Variants in KCNIP4 observed in about 807,000 individuals in gnomAD.
The protein encoded by KCNIP4 is potassium voltage-gated channel interacting protein 4, also known as Kv channel-interacting protein 4.
KCNIP4 carries 12 observed loss-of-function variants against 34.0 expected under a neutral mutation model. The observed-to-expected ratio is 0.35, with a 90% CI of 0.23 to 0.57. KCNIP4 has a LOEUF of 0.57. KCNIP4 is among the 20% of genes least tolerant of loss of function. The probability of loss-of-function intolerance (pLI) is 0.83; values close to 1 mark genes in which losing one functional copy is unlikely to be tolerated. For missense variants in KCNIP4, 238 were observed against 311.7 expected (o/e 0.76, Z 1.78); for synonymous variants, 124 against 102.2 (o/e 1.21, Z -1.29).
At chr4:21,538,911 G>T (rs1354649735) in intron 1 of KCNIP4, among the ~76,000 whole-genome samples, 1 of 152,152 alleles carries the variant, frequency 6.6e-6, no homozygotes, top group Admixed American at 6.5e-5. Flanking sequence ...ATCTCAAATT[G>T]TAATCCCTGT....
Position 21,396,099 on chromosome 4 carries a change from C to T in KCNIP4, c.62-513390G>A, listed in dbSNP as rs555259824. Reference sequence around the variant, plus strand: ...ATACATATATAAGACTATGTAGAGTCTCCTATATATAGTCTATATATACAT... The same window carrying T: ...ATACATATATAAGACTATGTAGAGTTTCCTATATATAGTCTATATATACAT... On this transcript the variant is annotated intron_variant, in intron 1 of 8. Transcript: ENST00000382152. Among the ~76,000 whole-genome samples the T allele has an allele frequency of 2.0e-5, 3 of 150,928 alleles. No individual in the cohort carries two copies. In the South Asian group the frequency reaches 6.3e-4, roughly 31 times the overall value.
At chr4:21,159,297 G>T (rs1309045044) in intron 1 of KCNIP4, among the ~76,000 whole-genome samples, 51 of 152,166 alleles carry the variant, frequency 3.4e-4, no homozygotes, top group Admixed American at 3.3e-3. Flanking sequence ...ATGGACCCAT[G>T]AATATGTAGA....
chr4:21,639,142 T>A (rs1327110335), intron 1 of KCNIP4, among the ~76,000 whole-genome samples: 1 of 152,190 alleles, frequency 6.6e-6, no homozygotes, highest in Non-Finnish European at 1.5e-5. Context: ...TTTTGGATAT[T>A]TTTTTCAGGA....
chr4:21,855,602 T>A (rs140772320), intron 1 of KCNIP4: 2 of 152,282 alleles, frequency 1.3e-5, no homozygotes, highest in African/African-American at 4.8e-5. Flanking sequence ...TCTGGGACCC[T>A]AGAGAAACTT....
rs141212805 is a variant in KCNIP4, at chr4:21,374,256, G to A, written c.62-491547C>T. Among the ~76,000 whole-genome samples, 294 of 147,300 alleles carry A rather than the reference G, an allele frequency of 2.0e-3. 52 individuals are homozygous for A. Among genetic ancestry groups the A allele is most frequent in the African/African-American group, 7.7e-3 (285 of 36,930 alleles). ...GGCTAATTTACAAGGAAAAAGAGGT[G>A]TAAAGGACTCACAGTTCCATGTGGC... On this transcript the variant is annotated intron_variant, in intron 1 of 8. Coordinates refer to ENST00000382152, the MANE Select transcript of KCNIP4 (RefSeq NM_025221.6).
chr4:21,015,048 T>A (rs1392295240), intron 1 of KCNIP4, among the ~76,000 whole-genome samples: 1 of 152,084 alleles, frequency 6.6e-6, no homozygotes, highest in East Asian at 1.9e-4. Context: ...TTTTCTCAGA[T>A]TACACATATT....
chr4:21,836,066 G>C (rs1849541), intron 1 of KCNIP4, among the ~76,000 whole-genome samples: 15,125 of 152,142 alleles, frequency 0.099, 2,523 homozygotes, highest in African/African-American at 0.35. Context: ...GAACCTCTTT[G>C]GGTGGACTGG....
intron 1 of KCNIP4, among the ~76,000 whole-genome samples, chr4:21,192,911 C>T (rs1269226909): frequency 2.2e-5 from 3 of 137,640 alleles, no homozygotes; most frequent in Non-Finnish European, 4.6e-5. Flanking sequence ...CCTGCCGCCC[C>T]GTCTCTACTA....
intron 1 of KCNIP4, among the ~76,000 whole-genome samples, chr4:20,926,873 A>G (rs933140093): frequency 6.6e-6 from 1 of 152,212 alleles, no homozygotes; most frequent in African/African-American, 2.4e-5. Flanking sequence ...ACTGGATATA[A>G]TTGCACAGCC....
At chr4:21,554,566 C>T (rs1738836221) in intron 1 of KCNIP4, among the ~76,000 whole-genome samples, 1 of 152,100 alleles carries the variant, frequency 6.6e-6, no homozygotes, top group South Asian at 2.1e-4. Context: ...GTTTGTCCTA[C>T]CATGTCTTTT....
At chr4:21,168,921 G>T (rs1753815998) in intron 1 of KCNIP4, among the ~76,000 whole-genome samples, 1 of 152,068 alleles carries the variant, frequency 6.6e-6, no homozygotes, top group Admixed American at 6.5e-5. Context: ...CGAAGCATCT[G>T]CCAATTCCTT....
intron 1 of KCNIP4, among the ~76,000 whole-genome samples, chr4:20,963,360 GTATA>G (rs1734038747): frequency 6.6e-6 from 1 of 151,278 alleles, no homozygotes; most frequent in Admixed American, 6.6e-5. Context: ...AAAAAAGAAA[GTATA>G]AATAATAAAA....
At chr4:21,730,524 G>A (rs976438079) in intron 1 of KCNIP4, among the ~76,000 whole-genome samples, 3 of 152,080 alleles carry the variant, frequency 2.0e-5, no homozygotes, top group Non-Finnish European at 4.4e-5. Flanking sequence ...CGGCCAGACA[G>A]GATATATATT....
chr4:21,682,114 A>G (rs1286847721), intron 1 of KCNIP4, among the ~76,000 whole-genome samples: 2 of 151,776 alleles, frequency 1.3e-5, no homozygotes, highest in African/African-American at 2.4e-5. Context: ...CTGGTCTCGA[A>G]CTCCTGACCT....
At chr4:21,057,602 C>A (rs1258438519) in intron 1 of KCNIP4, among the ~76,000 whole-genome samples, 1 of 152,140 alleles carries the variant, frequency 6.6e-6, no homozygotes, top group Admixed American at 6.6e-5. Context: ...AATAGTGTCT[C>A]CATTTGAAAC....
intron 1 of KCNIP4, among the ~76,000 whole-genome samples, chr4:21,443,647 C>G (rs996976517): frequency 2.0e-5 from 3 of 152,140 alleles, no homozygotes; most frequent in African/African-American, 7.2e-5. Context: ...AGAATTTGGA[C>G]TCAAGATTGA....
chr4:20,913,158 CA>C (rs541131404), intron 1 of KCNIP4, among the ~76,000 whole-genome samples: 15 of 151,824 alleles, frequency 9.9e-5, no homozygotes, highest in Non-Finnish European at 1.9e-4. Flanking sequence ...AATGAATAAA[CA>C]AAAGGTGGTT....
chr4:21,501,246 T>TCACACACACACA (rs1309846168), intron 1 of KCNIP4, among the ~76,000 whole-genome samples: 81 of 93,518 alleles, frequency 8.7e-4, no homozygotes, highest in Middle Eastern at 5.4e-3. Context: ...TCTCTCTCTC[T>TCACACACACACA]CTCACACACA....
intron 1 of KCNIP4, among the ~76,000 whole-genome samples, chr4:21,182,227 G>C (rs1754892229): frequency 6.6e-6 from 1 of 152,082 alleles, no homozygotes; most frequent in African/African-American, 2.4e-5. Flanking sequence ...GTGAAGCTAT[G>C]AATTGGAAGG....
Sources: gnomAD v4.1 joint callset for allele counts (sites outside exome capture counted in the v4.1 genomes callset) on GRCh38, gnomAD v4.1.1 for gene constraint, MANE v1.5 for transcripts, NCBI Gene and HGNC (gene_info 2026-07-23, HGNC 2026-07-21) for gene names.